The following ACADM variants were observed in gnomAD, a reference collection of about 807,000 sequenced individuals.
The protein encoded by ACADM is acyl-CoA dehydrogenase medium chain, also known as medium-chain specific acyl-CoA dehydrogenase, mitochondrial.
Under a neutral mutation model 58.9 loss-of-function variants are expected in ACADM, and 49 were observed. The ratio of observed to expected loss-of-function variants is 0.83; its 90% CI spans 0.66 to 1.06. The LOEUF (loss-of-function observed/expected upper bound fraction) is 1.06, where lower values mean the gene tolerates loss of function less well. ACADM is among the 50% of genes least tolerant of loss of function. The pLI is 0.00. For missense variants in ACADM, 496 were observed against 507.0 expected (o/e 0.98, Z 0.21); for synonymous variants, 160 against 157.7 (o/e 1.01, Z -0.11).
intron 6 of ACADM, 37 bp downstream of exon 6, chr1:75,734,908 A>T (rs762242236): frequency 6.7e-7 from 1 of 1,483,916 alleles, no homozygotes; most frequent in African/African-American, 1.4e-5. Context: ...TTCACACTTA[A>T]GAAGGGAACA....
chr1:75,729,565 C>G (rs1647114655), intron 2 of ACADM, among the ~76,000 whole-genome samples: 1 of 150,302 alleles, frequency 6.7e-6, no homozygotes, highest in Non-Finnish European at 1.5e-5. Context: ...GTGCAAGTGG[C>G]TCACTGCAAC....
chr1:75,751,358 A>G (rs767441171), intron 10 of ACADM, among the ~76,000 whole-genome samples: 11 of 151,796 alleles, frequency 7.2e-5, no homozygotes, highest in Non-Finnish European at 1.3e-4. Context: ...AAATATATAT[A>G]TATTTTCTGA....
chr1:75,755,870 A>G (rs778530170), intron 10 of ACADM, among the ~76,000 whole-genome samples: 22 of 152,200 alleles, frequency 1.4e-4, no homozygotes, highest in Non-Finnish European at 2.4e-4. Flanking sequence ...AAGCTTATCC[A>G]CCACGATCAA....
intron 7 of ACADM, 119 bp downstream of exon 7, chr1:75,740,229 C>T (rs902487704): frequency 9.9e-7 from 1 of 1,008,188 alleles, no homozygotes; most frequent in Non-Finnish European, 1.5e-6. Context: ...AACTGGAAGG[C>T]CTAAAGGAGA....
Position 75,745,799 on chromosome 1 carries a change from C to A in ACADM, c.600-7C>A, listed in dbSNP as rs747544512. The A allele has an allele frequency of 6.3e-7, 1 of 1,594,868 alleles. No homozygotes were observed. The highest frequency in any genetic ancestry group is 8.6e-7 in the Non-Finnish European group (1 of 1,162,654). ...TATCACCATTATCCGGTATGTGTATCTCTTAGGTATTTTTTATTGGCACGT... is the reference window on the plus strand; with the variant it reads ...TATCACCATTATCCGGTATGTGTATATCTTAGGTATTTTTTATTGGCACGT... On this transcript the variant is annotated splice_region_variant and splice_polypyrimidine_tract_variant and intron_variant, in intron 7 of 11. Transcript: ENST00000370841.
At chr1:75,727,830 T>C (rs1248758597) in intron 1 of ACADM, among the ~76,000 whole-genome samples, 7 of 152,184 alleles carry the variant, frequency 4.6e-5, no homozygotes, top group Non-Finnish European at 7.3e-5. Context: ...GACTCCTTGC[T>C]CAGAACATTG....
chr1:75,750,402 G>C, intron 9 of ACADM, 49 bp from the exon 10 acceptor site: 1 of 1,438,358 alleles, frequency 7.0e-7, no homozygotes, highest in Non-Finnish European at 9.6e-7. Flanking sequence ...GATATTGTGT[G>C]TTTTAAAGAT....
Position 75,737,279 on chromosome 1 carries a change from A to AATTAT in ACADM, c.468+2410_468+2411insTATAT, listed in dbSNP as rs1209972174. Among the ~76,000 whole-genome samples the AATTAT allele has an allele frequency of 3.8e-3, 162 of 43,128 alleles. 16 individuals are homozygous for AATTAT. Among genetic ancestry groups the AATTAT allele is most frequent in the African/African-American group, 0.016 (160 of 10,300 alleles). 28.3% of individuals were successfully genotyped at this position (43,128 alleles called of 152,430 possible). A position where few individuals can be genotyped will look rare whatever the true frequency, so the allele number is the denominator to read the frequency against. On this transcript the variant is annotated intron_variant, in intron 6 of 11. Transcript: ENST00000370841. ...GAGACTGCCACCACACACACACACA[A>AATTAT]ATATATATATATATATATATATATA...
chr1:75,757,846 T>A (rs1648596181), intron 10 of ACADM, among the ~76,000 whole-genome samples: 1 of 152,146 alleles, frequency 6.6e-6, no homozygotes, highest in African/African-American at 2.4e-5. Flanking sequence ...TACCCAGAGA[T>A]AGCATCAGAT....
At chr1:75,737,906 A>C (rs1647357277) in intron 6 of ACADM, among the ~76,000 whole-genome samples, 1 of 151,804 alleles carries the variant, frequency 6.6e-6, no homozygotes, top group Non-Finnish European at 1.5e-5. Flanking sequence ...GTTTGAGTAT[A>C]GTTATATTTA....
chr1:75,734,800 A>G lies in ACADM; in HGVS notation c.397A>G (p.Ile133Val), dbSNP rs763555974. ...CAATTTTCTTCGGTAGCAAATGCCT[A>G]TTATTATTGCTGGAAATGATCAACA... ...IEGNSLGQMP[I>V]IIAGNDQQKK... is the part of the protein sequence containing the mutation. The change falls in exon 6 of 12, where the codon ATT becomes GTT. Residue 133 changes from isoleucine to valine, a missense_variant. Physicochemically the swap from Ile to Val is conservative, Grantham distance 29. Coordinates refer to ENST00000370841, the MANE Select transcript of ACADM (RefSeq NM_000016.6). 7 of 1,612,758 alleles carry G rather than the reference A, an allele frequency of 4.3e-6. No homozygotes were observed. The African/African-American group carries it at 5.3e-5, about 12-fold the overall frequency.
intron 2 of ACADM, among the ~76,000 whole-genome samples, chr1:75,731,891 A>G (rs1307948997): frequency 1.3e-5 from 2 of 152,082 alleles, no homozygotes; most frequent in Non-Finnish European, 2.9e-5. Flanking sequence ...AGATAGGGTG[A>G]GGTGGCTCCC....
Position 75,744,711 on chromosome 1 carries a change from C to T in ACADM, c.600-1095C>T, listed in dbSNP as rs779224178. The stretch of plus-strand genomic sequence containing the variant: ...GGGAATGTCTCCCTAGAGGGCAGTT[C>T]CCCTTCTGGAAGGCAGAGAGCGAGT... On this transcript the variant is annotated intron_variant, in intron 7 of 11. Coordinates refer to ENST00000370841, the MANE Select transcript of ACADM (RefSeq NM_000016.6). 245 of 770,344 alleles carry T rather than the reference C, an allele frequency of 3.2e-4. 1 individual carries two copies. The highest frequency in any genetic ancestry group is 1.2e-4 in the Non-Finnish European group (52 of 416,932). 47.7% of individuals were successfully genotyped at this position (770,344 alleles called of 1,614,324 possible).
rs747721183 is a variant in ACADM at position 75,724,743 on chromosome 1, C to T, written c.-45C>T. Reference sequence around the variant, plus strand: ...CCGCGTTCGGGGAGTATGTCAAGGCCGTGACCCGTGTATTATTGTCCGAGT... The same window carrying T: ...CCGCGTTCGGGGAGTATGTCAAGGCTGTGACCCGTGTATTATTGTCCGAGT... On this transcript the variant is annotated 5_prime_UTR_variant, in exon 1 of 12. Transcript: ENST00000370841. The T allele has an allele frequency of 5.8e-6, 9 of 1,541,988 alleles. No homozygotes were observed. The highest frequency in any genetic ancestry group is 2.0e-5 in the Admixed American group (1 of 50,578).
rs1357415939 is a variant in ACADM, at chr1:75,757,876, A to G, written c.946-3246A>G. Among the ~76,000 whole-genome samples, 15 of 152,272 alleles carry G rather than the reference A, an allele frequency of 9.9e-5. No individual in the cohort carries two copies. The East Asian group carries it at 2.9e-3, about 29-fold the overall frequency. On this transcript the variant is annotated intron_variant, in intron 10 of 11. Coordinates refer to ENST00000370841, the MANE Select transcript of ACADM (RefSeq NM_000016.6). ...TCAGATCCCACAGGCTTAGTCTCAC[A>G]AGACTGCCCCTTCTTTTCCCCTAGT...
chr1:75,729,863 G>A (rs936898979), intron 2 of ACADM, among the ~76,000 whole-genome samples: 1 of 149,342 alleles, frequency 6.7e-6, no homozygotes, highest in Non-Finnish European at 1.5e-5. Context: ...AGCACTGTGA[G>A]GATAGCCATT....
At chr1:75,744,595 C>G in intron 7 of ACADM, 1 of 1,274,464 alleles carries the variant, frequency 7.8e-7, no homozygotes, top group Non-Finnish European at 1.1e-6. Flanking sequence ...AGTTGTAGTT[C>G]TGAAGAAGCG....
At chr1:75,728,237 A>AT (rs1017567709) in intron 1 of ACADM, among the ~76,000 whole-genome samples, 164 bp from the exon 2 acceptor site, 10 of 152,326 alleles carry the variant, frequency 6.6e-5, no homozygotes, top group Non-Finnish European at 1.2e-4. Flanking sequence ...ATAACTGATA[A>AT]TTGGCTTATT....
rs751526292 is a variant in ACADM, at chr1:75,762,773, T to C, written c.*10T>C. The C allele has an allele frequency of 1.3e-6, 2 of 1,520,666 alleles. No individual in the cohort carries two copies. Among genetic ancestry groups the C allele is most frequent in the South Asian group, 1.1e-5 (1 of 88,152 alleles). 94.2% of individuals were successfully genotyped at this position (1,520,666 alleles called of 1,614,324 possible). On this transcript the variant is annotated 3_prime_UTR_variant, in exon 12 of 12. Coordinates refer to ENST00000370841, the MANE Select transcript of ACADM (RefSeq NM_000016.6). ...CAAGTACAAAAATTAAAAAAATTAC[T>C]GTAGAAATATTGAATAACTAGAACA...
Sources: allele counts gnomAD v4.1 joint callset (sites outside exome capture counted in the v4.1 genomes callset), GRCh38; gene constraint gnomAD v4.1.1; transcripts MANE v1.5; gene names NCBI Gene and HGNC (gene_info 2026-07-23, HGNC 2026-07-21).